Variants in SYT10 observed in about 807,000 individuals in gnomAD.
SYT10 encodes the protein synaptotagmin-10.
SYT10 carries 31 observed loss-of-function variants against 51.1 expected under a neutral mutation model. That is an observed-to-expected ratio of 0.61 (90% confidence interval 0.46 to 0.82). The LOEUF (loss-of-function observed/expected upper bound fraction) is 0.82, where lower values mean the gene tolerates loss of function less well. Ranked by LOEUF, SYT10 falls within the 40% of genes least tolerant of loss-of-function variation. SYT10 has a pLI of 0.00. For synonymous variants in SYT10, 233 were observed against 225.9 expected, an observed-to-expected ratio of 1.03 and a Z score of -0.28; for missense variants, 603 against 634.0, an observed-to-expected ratio of 0.95 and a Z score of 0.53.
intron 6 of SYT10, among the ~76,000 whole-genome samples, chr12:33,377,788 C>A (rs548768524): frequency 1.3e-5 from 2 of 151,528 alleles, no homozygotes; most frequent in African/African-American, 4.8e-5. Flanking sequence ...CCACCAAGCC[C>A]GGCTAATTTT....
At chr12:33,438,558 T>C (rs1866656687) in intron 1 of SYT10, among the ~76,000 whole-genome samples, 1 of 152,112 alleles carries the variant, frequency 6.6e-6, no homozygotes, top group Admixed American at 6.5e-5. Flanking sequence ...CTTTTTTCCA[T>C]CTCCAGATTT....
At chr12:33,394,786 T>TA in intron 3 of SYT10, among the ~76,000 whole-genome samples, 1 of 152,320 alleles carries the variant, frequency 6.6e-6, no homozygotes, top group Non-Finnish European at 1.5e-5. Context: ...TCTGTGGCTT[T>TA]ACCTAATAGA....
At chr12:33,424,019 A>G (rs1217844453) in intron 2 of SYT10, 1 of 455,780 alleles carries the variant, frequency 2.2e-6, no homozygotes, top group Non-Finnish European at 4.4e-6. Context: ...ACTCATATAA[A>G]CAATGAAAGT....
At position 33,421,905 on chromosome 12, in the gene SYT10, G is replaced by A. The variant is rs1420114529; in HGVS notation, c.509+4233C>T. ...AAAGCAGCATGAACAAAAGCACAGAGGCAAAGAGAGTCAGATCTTTAGGAG... is the reference window on the plus strand; with the variant it reads ...AAAGCAGCATGAACAAAAGCACAGAAGCAAAGAGAGTCAGATCTTTAGGAG... On this transcript the variant is annotated intron_variant, in intron 2 of 6. Coordinates refer to ENST00000228567, the MANE Select transcript of SYT10 (RefSeq NM_198992.4). Among the ~76,000 whole-genome samples, 3 of 151,986 alleles carry A rather than the reference G, an allele frequency of 2.0e-5. No individual in the cohort carries two copies. In the East Asian group the frequency reaches 5.8e-4, roughly 29 times the overall value.
Position 33,374,733 on chromosome 12 carries a change from A to C in SYT10, c.*2097T>G, listed in dbSNP as rs545952056. ...CTTTTAAAACTTATTTTAATCTACA[A>C]TTCCCATATTAGAGTCTTCTGATTG... On this transcript the variant is annotated 3_prime_UTR_variant, in exon 7 of 7. Transcript: ENST00000228567. 1.4e-4 allele frequency: 21 copies of C among 151,982 alleles called. 1 individual carries two copies. The South Asian group carries it at 4.2e-3, about 30-fold the overall frequency. 9.4% of individuals were successfully genotyped at this position (151,982 alleles called of 1,614,324 possible). A position where few individuals can be genotyped will look rare whatever the true frequency, so the allele number is the denominator to read the frequency against.
Position 33,426,514 on chromosome 12 carries a change from A to G in SYT10, c.152-19T>C. 1 of 1,513,376 alleles carries G rather than the reference A, an allele frequency of 6.6e-7. No individual in the cohort carries two copies. Among genetic ancestry groups the G allele is most frequent in the East Asian group, 2.3e-5 (1 of 42,560 alleles). The allele number at this position is 1,513,376 out of a possible 1,614,324, so 93.7% of individuals were successfully genotyped here. On this transcript the variant is annotated intron_variant, in intron 1 of 6. Coordinates refer to ENST00000228567, the MANE Select transcript of SYT10 (RefSeq NM_198992.4). ...GAAATATCTGGAAAAATTACAATGT[A>G]AAAATGATTAATTAATATTGTACAT...
At chr12:33,439,264 C>A in intron 1 of SYT10, 108 bp downstream of exon 1, 1 of 1,422,308 alleles carries the variant, frequency 7.0e-7, no homozygotes, top group Non-Finnish European at 9.4e-7. Context: ...CGTGGCGCCC[C>A]AAATATGCCG....
intron 2 of SYT10, among the ~76,000 whole-genome samples, chr12:33,413,639 A>G (rs1195035660): frequency 1.3e-5 from 2 of 152,156 alleles, no homozygotes; most frequent in East Asian, 3.9e-4. Context: ...ATGCTGAGAG[A>G]TTTTGTCACC....
intron 3 of SYT10, chr12:33,405,792 A>G (rs1426635093): frequency 2.0e-5 from 3 of 151,836 alleles, no homozygotes; most frequent in African/African-American, 7.2e-5. Context: ...AATAAAGAAA[A>G]CAATCTAACT....
intron 2 of SYT10, among the ~76,000 whole-genome samples, chr12:33,416,452 C>T (rs1249850765): frequency 6.6e-6 from 1 of 152,120 alleles, no homozygotes; most frequent in Non-Finnish European, 1.5e-5. Context: ...CTTCCATTAC[C>T]ACTTACTGTT....
At chr12:33,401,738 G>T (rs1460895515) in intron 3 of SYT10, among the ~76,000 whole-genome samples, 1 of 152,148 alleles carries the variant, frequency 6.6e-6, no homozygotes, top group East Asian at 1.9e-4. Flanking sequence ...AATCAATAGG[G>T]TACAACATCC....
intron 3 of SYT10, among the ~76,000 whole-genome samples, chr12:33,402,793 T>A (rs1261120528): frequency 6.6e-6 from 1 of 152,062 alleles, no homozygotes; most frequent in Non-Finnish European, 1.5e-5. Flanking sequence ...GACCCTGTAA[T>A]GAAAATTTGT....
At chr12:33,402,114 A>G (rs1866312033) in intron 3 of SYT10, among the ~76,000 whole-genome samples, 1 of 151,908 alleles carries the variant, frequency 6.6e-6, no homozygotes, top group Non-Finnish European at 1.5e-5. Flanking sequence ...ACAATCTCCC[A>G]CTCTGATCCA....
intron 3 of SYT10, among the ~76,000 whole-genome samples, chr12:33,403,972 G>A (rs1866329471): frequency 1.3e-5 from 2 of 152,154 alleles, no homozygotes; most frequent in African/African-American, 4.8e-5. Context: ...ATAATGTGTG[G>A]TTCAATGTTC....
At chr12:33,392,303 C>G (rs1173013031) in intron 3 of SYT10, among the ~76,000 whole-genome samples, 4 of 152,166 alleles carry the variant, frequency 2.6e-5, no homozygotes, top group Non-Finnish European at 4.4e-5. Flanking sequence ...TCTACTGACT[C>G]TAGATGGCAA....
rs1866669506 is a variant in SYT10, at chr12:33,439,718, G to A, written c.-196C>T. ...GCGGGAGCGGAGGGCGTAGGGGAAG[G>A]AGAGGCGCGCGAGGAGGCTGCGGCT... On this transcript the variant is annotated 5_prime_UTR_variant, in exon 1 of 7. Coordinates refer to ENST00000228567, the MANE Select transcript of SYT10 (RefSeq NM_198992.4). The A allele has an allele frequency of 3.2e-6, 2 of 624,440 alleles. No homozygotes were observed. Among genetic ancestry groups the A allele is most frequent in the African/African-American group, 1.9e-5 (1 of 52,830 alleles). The allele number at this position is 624,440 out of a possible 1,614,324, so 38.7% of individuals were successfully genotyped here.
In SYT10 at chr12:33,379,854, G is replaced by A. The variant is rs545012156; in HGVS notation, c.1478C>T (p.Thr493Met). 10 of 1,613,858 alleles carry A rather than the reference G, an allele frequency of 6.2e-6. No homozygotes were observed. Among genetic ancestry groups the A allele is most frequent in the Middle Eastern group, 1.7e-4 (1 of 6,060 alleles). ...EMLAYHRKPI[T>M]HWHPLLELPG... ...TACCTCCAGCAATGGGTGCCAGTGC[G>A]TTATTGGTTTTCGATGATAGGCCAG... Residue 493 changes from threonine to methionine, a missense_variant, in exon 6 of 7, where the codon ACG becomes ATG. Coordinates refer to ENST00000228567, the MANE Select transcript of SYT10 (RefSeq NM_198992.4).
intron 2 of SYT10, among the ~76,000 whole-genome samples, chr12:33,412,451 A>G (rs1238036856): frequency 6.6e-6 from 1 of 151,486 alleles, no homozygotes; most frequent in East Asian, 1.9e-4. Context: ...TAGTGGCTAT[A>G]TAGTCTCACA....
In SYT10 at chr12:33,375,417, C is replaced by CT. The variant is rs1008268242; in HGVS notation, c.*1412dup. On this transcript the variant is annotated 3_prime_UTR_variant, in exon 7 of 7. Transcript: ENST00000228567. ...TAAATATGTTTTTATTTTCTTGCCT[C>CT]TTTTTTTAAAAAAACCACCAATTTT... is the stretch of plus-strand genomic sequence containing the variant. The CT allele has an allele frequency of 1.9e-4, 29 of 151,800 alleles. No individual in the cohort carries two copies. The highest frequency in any genetic ancestry group is 6.5e-4 in the African/African-American group (27 of 41,446). The allele number at this position is 151,800 out of a possible 1,614,324, so 9.4% of individuals were successfully genotyped here. A position where few individuals can be genotyped will look rare whatever the true frequency, so the allele number is the denominator to read the frequency against.
Sources: gnomAD v4.1 joint callset for allele counts (sites outside exome capture counted in the v4.1 genomes callset) on GRCh38, gnomAD v4.1.1 for gene constraint, MANE v1.5 for transcripts, NCBI Gene and HGNC (gene_info 2026-07-23, HGNC 2026-07-21) for gene names.